The following CEP164 variants were observed in gnomAD, a reference collection of about 807,000 sequenced individuals.
CEP164 encodes the protein centrosomal protein of 164 kDa.
Under a neutral mutation model 182.7 loss-of-function variants are expected in CEP164, and 162 were observed. That is an observed-to-expected ratio of 0.89 (90% CI 0.78 to 1.01). The LOEUF is 1.01. Ranked by LOEUF, CEP164 falls within the 50% of genes least tolerant of loss-of-function variation. The probability of loss-of-function intolerance (pLI) is 0.00; values close to 1 mark genes in which losing one functional copy is unlikely to be tolerated. For synonymous variants in CEP164, 661 were observed against 690.0 expected, an observed-to-expected ratio of 0.96 and a Z score of 0.66; for missense variants, 1,735 against 1,790.4, an observed-to-expected ratio of 0.97 and a Z score of 0.56.
At chr11:117,364,586 C>T (rs1299077769) in intron 8 of CEP164, among the ~76,000 whole-genome samples, 1 of 145,176 alleles carries the variant, frequency 6.9e-6, no homozygotes, top group Non-Finnish European at 1.5e-5. Flanking sequence ...TTTTTTGAGA[C>T]TGGGTGTCAC....
chr11:117,364,318 C>G (rs1390804208), intron 8 of CEP164, among the ~76,000 whole-genome samples: 3 of 152,212 alleles, frequency 2.0e-5, no homozygotes, highest in African/African-American at 7.2e-5. Flanking sequence ...AAACAAGTCA[C>G]TCACACTTTA....
chr11:117,332,180 T>C (rs2036326860), intron 1 of CEP164, among the ~76,000 whole-genome samples: 1 of 152,010 alleles, frequency 6.6e-6, no homozygotes, highest in African/African-American at 2.4e-5. Context: ...ACAGCTTACA[T>C]AGGCTTATTT....
At chr11:117,404,161 G>A (rs549452915) in intron 27 of CEP164, among the ~76,000 whole-genome samples, 27 of 152,128 alleles carry the variant, frequency 1.8e-4, no homozygotes, top group Admixed American at 5.9e-4. Context: ...CTGTCAGTTC[G>A]TCAAACTCAT....
intron 4 of CEP164, among the ~76,000 whole-genome samples, chr11:117,348,614 A>G (rs1565445399): frequency 6.6e-6 from 1 of 152,024 alleles, no homozygotes; most frequent in Non-Finnish European, 1.5e-5. Flanking sequence ...ATAAATTTGT[A>G]TTTTTCTTAA....
intron 27 of CEP164, 140 bp downstream of exon 27, chr11:117,397,453 A>G: frequency 2.8e-6 from 2 of 708,326 alleles, no homozygotes; most frequent in Non-Finnish European, 4.7e-6. Flanking sequence ...GGTCACTTAT[A>G]TTTACTTGGC....
intron 8 of CEP164, among the ~76,000 whole-genome samples, chr11:117,369,984 T>C (rs982474703): frequency 5.3e-5 from 8 of 152,224 alleles, no homozygotes; most frequent in Non-Finnish European, 1.2e-4. Context: ...TGGAAGTGTT[T>C]CCTACTGGTG....
intron 2 of CEP164, chr11:117,336,509 G>A: frequency 1.3e-6 from 2 of 1,529,152 alleles, no homozygotes; most frequent in Non-Finnish European, 1.8e-6. Context: ...AGGGGAGGAG[G>A]ACAGGGGCCT....
intron 2 of CEP164, among the ~76,000 whole-genome samples, chr11:117,337,647 T>C (rs1247248955): frequency 6.6e-6 from 1 of 152,192 alleles, no homozygotes; most frequent in Non-Finnish European, 1.5e-5. Flanking sequence ...TTCATTCCCC[T>C]GCTTCTGCCC....
chr11:117,327,351 T>G (rs1187596294), upstream of CEP164, among the ~76,000 whole-genome samples: 2 of 152,192 alleles, frequency 1.3e-5, no homozygotes, highest in Non-Finnish European at 2.9e-5. Context: ...TTAATCATAC[T>G]CCTAACAAAT....
In CEP164 at chr11:117,387,408, C is replaced by G; in HGVS notation, c.1930C>G (p.Leu644Val). Residue 644 changes from leucine (L) to valine (V), a missense_variant, in exon 15 of 33, where the codon CTC (leucine) becomes GTC (valine). Leu to Val is a conservative substitution (Grantham distance 32). Transcript: ENST00000278935. ...GCTTCACCAGCAGAAAGAGCAATCT[C>G]TCAGGTCCTGCCCTTCCCCTTAGGC... is the stretch of plus-strand genomic sequence containing the variant. ...LRLHQQKEQS[L>V]SSLRERLQKA... The G allele has an allele frequency of 6.2e-7, 1 of 1,614,060 alleles. No individual in the cohort carries two copies. Among genetic ancestry groups the G allele is most frequent in the Non-Finnish European group, 8.5e-7 (1 of 1,180,014 alleles).
In CEP164 at chr11:117,409,902, C is replaced by T; in HGVS notation, c.4033C>T (p.Pro1345Ser). The change falls in exon 30 of 33, where the codon CCC becomes TCC. Residue 1345 changes from proline to serine, a missense_variant. Transcript: ENST00000278935. This position sits in a 1 kb window ranked among gnomAD's most constrained non-coding sequence, Gnocchi z 4.4. The part of the protein sequence containing the change: ...AWDSGQGPRL[P>S]SSVAQTVDDF... ...GGATTCAGGGCAGGGGCCCAGGCTCCCCTCCTCTGTGGCTCAAACGGTGGA... is the reference window on the plus strand; with the variant it reads ...GGATTCAGGGCAGGGGCCCAGGCTCTCCTCCTCTGTGGCTCAAACGGTGGA... 6.2e-7 allele frequency: 1 copy of T among 1,614,104 alleles called. No individual in the cohort carries two copies. The highest frequency in any genetic ancestry group is 8.5e-7 in the Non-Finnish European group (1 of 1,180,012).
At chr11:117,356,394 A>G in intron 5 of CEP164, 1 of 1,197,634 alleles carries the variant, frequency 8.3e-7, no homozygotes, top group Non-Finnish European at 1.1e-6. Context: ...AGTGAGGGTG[A>G]GCACGAGGCC....
At position 117,396,572 on chromosome 11, in the gene CEP164, C is replaced by T. The variant is rs560342451; in HGVS notation, c.3239C>T (p.Ser1080Phe). 1.9e-6 allele frequency: 3 copies of T among 1,613,838 alleles called. No homozygotes were observed. Among genetic ancestry groups the T allele is most frequent in the South Asian group, 1.1e-5 (1 of 91,076 alleles). Residue 1080 changes from serine to phenylalanine, a missense_variant, in exon 26 of 33, where the codon TCT (serine) becomes TTT (phenylalanine). By Grantham distance (155) the Ser-to-Phe change is radical (BLOSUM62 -2). Coordinates refer to ENST00000278935, the MANE Select transcript of CEP164 (RefSeq NM_014956.5). ...TAGAACCAGACCAAAGAGGTGTCTT[C>T]TTCTCTCTCCCAGAGCAAGGAGGAC... ...LGTNQTKEVS[S>F]SLSQSKEDLY... is the part of the protein sequence containing the mutation.
Position 117,375,813 on chromosome 11 carries a change from G to A in CEP164, c.1317+22G>A, listed in dbSNP as rs376367350. On this transcript the variant is annotated intron_variant, in intron 11 of 32. Transcript: ENST00000278935. Reference sequence around the variant, plus strand: ...GCAGGTGAGTTTCTGTGGGTGGTGGGCTGAGCTGGGGCCTCATTTTCCCTC... The same window carrying A: ...GCAGGTGAGTTTCTGTGGGTGGTGGACTGAGCTGGGGCCTCATTTTCCCTC... The A allele has an allele frequency of 9.9e-6, 16 of 1,609,382 alleles. 1 individual carries two copies. In the African/African-American group the frequency reaches 1.6e-4, roughly 16 times the overall value.
chr11:117,368,188 G>A (rs2041852598), intron 8 of CEP164, among the ~76,000 whole-genome samples: 1 of 152,198 alleles, frequency 6.6e-6, no homozygotes, highest in Non-Finnish European at 1.5e-5. Flanking sequence ...GATGGGGAAG[G>A]CTCATTTCAG....
At chr11:117,334,513 C>T (rs1011822400) in intron 1 of CEP164, among the ~76,000 whole-genome samples, 12 of 152,148 alleles carry the variant, frequency 7.9e-5, no homozygotes, top group South Asian at 4.1e-4. Flanking sequence ...TCGCCAGGTG[C>T]GGTGGCTCCT....
Position 117,391,137 on chromosome 11 carries a change from C to G in CEP164, c.2205C>G (p.Ser735Arg), listed in dbSNP as rs494553. The G allele has an allele frequency of 6.2e-6, 10 of 1,613,698 alleles. No homozygotes were observed. Among genetic ancestry groups the G allele is most frequent in the Non-Finnish European group, 8.5e-6 (10 of 1,179,984 alleles). The change falls in exon 17 of 33, where the codon AGC becomes AGG. Residue 735 changes from serine to arginine, a missense_variant. By Grantham distance (110) the Ser-to-Arg change is moderately radical. Transcript: ENST00000278935. ...LKEEIEASEK[S>R]EQAALNAAKE... ...AAGAGATAGAGGCTTCGGAGAAGAG[C>G]GAGCAGGCTGCCCTGAATGCTGCAA...
At chr11:117,385,995 C>G (rs546120669) in intron 14 of CEP164, 1 of 152,350 alleles carries the variant, frequency 6.6e-6, no homozygotes, top group African/African-American at 2.4e-5. Context: ...GTCCTGCCCG[C>G]TGCTTTCCAT....
At chr11:117,334,980 G>C (rs918613985) in intron 1 of CEP164, among the ~76,000 whole-genome samples, 1 of 151,984 alleles carries the variant, frequency 6.6e-6, no homozygotes, top group Non-Finnish European at 1.5e-5. Context: ...GCACATGCTT[G>C]GGAAGTGCTT....
Sources: gnomAD v4.1 joint callset for allele counts (sites outside exome capture counted in the v4.1 genomes callset) on GRCh38, gnomAD v4.1.1 for gene constraint, Gnocchi (gnomAD v3.1) non-coding constraint, MANE v1.5 for transcripts, NCBI Gene and HGNC (gene_info 2026-07-23, HGNC 2026-07-21) for gene names.